Variants in CREM observed in about 807,000 individuals in gnomAD.
The protein encoded by CREM is cAMP-responsive element modulator.
Under a neutral mutation model 37.3 loss-of-function variants are expected in CREM, and 13 were observed. The observed-to-expected ratio is 0.35, with a 90% CI of 0.23 to 0.55. The LOEUF is 0.55. Ranked by LOEUF, CREM falls within the 20% of genes least tolerant of loss-of-function variation. The pLI is 0.88. For missense variants in CREM, 296 were observed against 362.3 expected (o/e 0.82, Z 1.49); for synonymous variants, 124 against 120.2 (o/e 1.03, Z -0.21).
chr10:35,207,418 A>G (rs752766920), intron 7 of CREM, among the ~76,000 whole-genome samples: 1 of 151,502 alleles, frequency 6.6e-6, no homozygotes, highest in Non-Finnish European at 1.5e-5. Flanking sequence ...ACAATATTAA[A>G]TATTAATAAA....
intron 3 of CREM, chr10:35,167,809 T>C: frequency 6.2e-7 from 1 of 1,612,130 alleles, no homozygotes; most frequent in Non-Finnish European, 8.5e-7. Context: ...AAAAGGTAAA[T>C]GATGTCTGCT....
At chr10:35,206,444 G>A (rs954486365) in intron 6 of CREM, among the ~76,000 whole-genome samples, 1 of 152,184 alleles carries the variant, frequency 6.6e-6, no homozygotes, top group African/African-American at 2.4e-5. Flanking sequence ...CCACGTGTGT[G>A]TCTTTCCAAC....
intron 6 of CREM, among the ~76,000 whole-genome samples, chr10:35,199,887 CTTTTTT>C (rs5784443): frequency 3.3e-5 from 4 of 121,370 alleles, no homozygotes; most frequent in Non-Finnish European, 3.3e-5. Context: ...GTTAAAATGG[CTTTTTT>C]TTTTTTTTTT....
rs141321587 is a variant in CREM, at chr10:35,159,476, G to A, written c.168+10985G>A. 2.8e-3 allele frequency among the ~76,000 whole-genome samples: 423 copies of A among 152,194 alleles called. 1 individual carries two copies. Among genetic ancestry groups the A allele is most frequent in the African/African-American group, 9.7e-3 (404 of 41,534 alleles). ...CAAAAATGGCAGGACCACACAATGGGGAAAGGGCCATTTCTTTAATAAATG... is the reference window on the plus strand; with the variant it reads ...CAAAAATGGCAGGACCACACAATGGAGAAAGGGCCATTTCTTTAATAAATG... On this transcript the variant is annotated intron_variant, in intron 3 of 7. Transcript: ENST00000685392.
intron 3 of CREM, among the ~76,000 whole-genome samples, chr10:35,170,918 C>T (rs2093783792): frequency 6.6e-6 from 1 of 152,012 alleles, no homozygotes; most frequent in African/African-American, 2.4e-5. Flanking sequence ...TAAGAGTTTT[C>T]TTTTTTAAAA....
chr10:35,133,491 G>GT (rs2089832648), intron 1 of CREM, among the ~76,000 whole-genome samples: 1 of 151,992 alleles, frequency 6.6e-6, no homozygotes, highest in South Asian at 2.1e-4. Flanking sequence ...CAGAGATAGG[G>GT]TTTTACCATG....
At chr10:35,175,814 A>C (rs773233312) in intron 3 of CREM, 11 of 1,610,560 alleles carry the variant, frequency 6.8e-6, no homozygotes, top group Non-Finnish European at 9.3e-6. Context: ...ATAACAAAAA[A>C]GGTCCAGCTT....
At chr10:35,188,056 T>G in intron 5 of CREM, 144 bp from the exon 6 acceptor site, 1 of 753,186 alleles carries the variant, frequency 1.3e-6, no homozygotes, top group Non-Finnish European at 2.1e-6. Flanking sequence ...AAGCTGATCT[T>G]CCTTCTCAAT....
chr10:35,211,536 G>A lies in CREM; in HGVS notation c.*138G>A. 1 of 1,494,920 alleles carries A rather than the reference G, an allele frequency of 6.7e-7. No individual in the cohort carries two copies. Among genetic ancestry groups the A allele is most frequent in the Middle Eastern group, 1.8e-4 (1 of 5,612 alleles). The allele number at this position is 1,494,920 out of a possible 1,614,324, so 92.6% of individuals were successfully genotyped here. A position where few individuals can be genotyped will look rare whatever the true frequency, so the allele number is the denominator to read the frequency against. ...TGGATTAGTGTTTGAAATTGAATTG[G>A]GAATGTTGTTCCAGGATGTGGAATG... On this transcript the variant is annotated 3_prime_UTR_variant, in exon 8 of 8. Transcript: ENST00000685392.
chr10:35,175,381 G>A (rs1356229133), intron 3 of CREM, among the ~76,000 whole-genome samples: 1 of 152,156 alleles, frequency 6.6e-6, no homozygotes, highest in East Asian at 1.9e-4. Flanking sequence ...GGGAGGTAGA[G>A]CTTGCAGGGA....
At chr10:35,173,577 TTC>T (rs1361077440) in intron 3 of CREM, among the ~76,000 whole-genome samples, 5 of 152,244 alleles carry the variant, frequency 3.3e-5, no homozygotes, top group Non-Finnish European at 5.9e-5. Context: ...TTTTTAAAAT[TTC>T]TGTTTTAATT....
At chr10:35,196,689 A>G (rs1408178218) in intron 6 of CREM, 1 of 152,200 alleles carries the variant, frequency 6.6e-6, no homozygotes, top group Non-Finnish European at 1.5e-5. Context: ...AATCATCTCA[A>G]ACACTGCATG....
At chr10:35,198,262 C>T (rs930327597) in intron 6 of CREM, among the ~76,000 whole-genome samples, 54 of 152,158 alleles carry the variant, frequency 3.5e-4, no homozygotes, top group African/African-American at 1.3e-3. Flanking sequence ...CGGTGGCTCA[C>T]GTCTGTAATC....
At chr10:35,134,117 G>C (rs1445360128) in intron 1 of CREM, among the ~76,000 whole-genome samples, 1 of 151,332 alleles carries the variant, frequency 6.6e-6, no homozygotes, top group Non-Finnish European at 1.5e-5. Context: ...TGCTATCTCG[G>C]CTCACTGCAA....
In CREM at chr10:35,188,227, A is replaced by G. The variant is rs751156617; in HGVS notation, c.437A>G (p.Gln146Arg). The stretch of plus-strand genomic sequence containing the variant: ...GCTATAGCCCAAGGTGGAACAATCC[A>G]GATTTCTAACCCAGGATCTGATGGT... ...YIAIAQGGTI[Q>R]ISNPGSDGVQ... Residue 146 changes from glutamine to arginine, a missense_variant, in exon 6 of 8, where the codon CAG (glutamine) becomes CGG (arginine). Physicochemically the swap from Gln to Arg is conservative, Grantham distance 43. Coordinates refer to ENST00000685392, the MANE Select transcript of CREM (RefSeq NM_183011.2). The G allele has an allele frequency of 3.7e-6, 6 of 1,613,760 alleles. No homozygotes were observed. The highest frequency in any genetic ancestry group is 5.1e-6 in the Non-Finnish European group (6 of 1,179,974).
At chr10:35,199,876 C>T (rs544715024) in intron 6 of CREM, among the ~76,000 whole-genome samples, 7 of 132,750 alleles carry the variant, frequency 5.3e-5, no homozygotes, top group East Asian at 2.3e-4. Context: ...TATTTTAAGT[C>T]GTTAAAATGG....
At chr10:35,178,583 T>C (rs1340093031) in intron 3 of CREM, among the ~76,000 whole-genome samples, 1 of 152,190 alleles carries the variant, frequency 6.6e-6, no homozygotes, top group African/African-American at 2.4e-5. Flanking sequence ...CTTGGGTATT[T>C]TACATTTTGT....
chr10:35,197,262 T>G (rs1189409958), intron 6 of CREM, among the ~76,000 whole-genome samples: 1 of 152,080 alleles, frequency 6.6e-6, no homozygotes, highest in Non-Finnish European at 1.5e-5. Context: ...ATTTAAACTT[T>G]TCAAAATGCT....
chr10:35,135,508 C>G (rs2090320616), intron 1 of CREM: 1 of 151,546 alleles, frequency 6.6e-6, no homozygotes, highest in Non-Finnish European at 1.5e-5. Flanking sequence ...CCCACCACCC[C>G]CCGAAAAAAG....
Sources: allele counts gnomAD v4.1 joint callset (sites outside exome capture counted in the v4.1 genomes callset), GRCh38; gene constraint gnomAD v4.1.1; transcripts MANE v1.5; gene names NCBI Gene and HGNC (gene_info 2026-07-23, HGNC 2026-07-21).